Variants in DLGAP1 observed in about 807,000 individuals in gnomAD.
The protein encoded by DLGAP1 is DLG associated protein 1, also known as disks large-associated protein 1.
DLGAP1 carries 11 observed loss-of-function variants against 90.8 expected under a neutral mutation model. The observed-to-expected ratio is 0.12, with a 90% CI of 0.08 to 0.20. DLGAP1 has a LOEUF of 0.20. DLGAP1 is among the 10% of genes least tolerant of loss of function. The pLI, the probability that DLGAP1 is intolerant of heterozygous loss-of-function variation, is 1.00. For missense variants in DLGAP1, 1,050 were observed against 1,333.8 expected, an observed-to-expected ratio of 0.79 and a Z score of 3.31; for synonymous variants, 558 against 540.7, an observed-to-expected ratio of 1.03 and a Z score of -0.44.
intron 7 of DLGAP1, among the ~76,000 whole-genome samples, chr18:3,721,300 A>G (rs1337653811): frequency 6.6e-6 from 1 of 152,218 alleles, no homozygotes; most frequent in Non-Finnish European, 1.5e-5. Context: ...GCCTCAAAAC[A>G]GAATTTGCCA....
chr18:4,426,638 G>A (rs1201063285), intron 1 of DLGAP1, among the ~76,000 whole-genome samples: 1 of 152,168 alleles, frequency 6.6e-6, no homozygotes, highest in East Asian at 1.9e-4. Context: ...TCCATAAAAT[G>A]TGGACAAGAA....
At chr18:3,527,005 C>T (rs2051669590) in intron 10 of DLGAP1, among the ~76,000 whole-genome samples, 3 of 151,802 alleles carry the variant, frequency 2.0e-5, no homozygotes, top group Non-Finnish European at 1.5e-5. Context: ...GTACTGTCGA[C>T]GGTTGGGGTT....
At chr18:3,673,777 C>T (rs1598297466) in intron 7 of DLGAP1, among the ~76,000 whole-genome samples, 1 of 151,328 alleles carries the variant, frequency 6.6e-6, no homozygotes, top group African/African-American at 2.4e-5. Flanking sequence ...AACTCCTGAC[C>T]TCAGGTGATC....
At chr18:4,299,533 C>G (rs1248849840) in intron 1 of DLGAP1, among the ~76,000 whole-genome samples, 1 of 152,138 alleles carries the variant, frequency 6.6e-6, no homozygotes, top group Non-Finnish European at 1.5e-5. Context: ...TGAAAATAAA[C>G]AGCCCATTTT....
At chr18:4,008,253 A>T (rs532407810) in intron 2 of DLGAP1, among the ~76,000 whole-genome samples, 12 of 146,918 alleles carry the variant, frequency 8.2e-5, no homozygotes, top group Non-Finnish European at 1.1e-4. Flanking sequence ...ACACACACTC[A>T]CACACACATA....
chr18:3,909,794 C>T (rs2071992782), intron 3 of DLGAP1, among the ~76,000 whole-genome samples: 1 of 152,126 alleles, frequency 6.6e-6, no homozygotes, highest in East Asian at 1.9e-4. Context: ...TGAACTTCAC[C>T]TTTCTATTTA....
At chr18:4,149,380 T>C (rs1403501450) in intron 2 of DLGAP1, among the ~76,000 whole-genome samples, 1 of 151,644 alleles carries the variant, frequency 6.6e-6, no homozygotes, top group African/African-American at 2.4e-5. Context: ...ACACAAAACT[T>C]TTTTTTTTCT....
At chr18:4,337,065 G>C (rs2081083901) in intron 1 of DLGAP1, among the ~76,000 whole-genome samples, 1 of 148,068 alleles carries the variant, frequency 6.8e-6, no homozygotes, top group Non-Finnish European at 1.5e-5. Flanking sequence ...AGTGAGCCGA[G>C]ATTGTGCCAC....
At chr18:4,047,960 G>T (rs138915843) in intron 2 of DLGAP1, among the ~76,000 whole-genome samples, 14 of 152,046 alleles carry the variant, frequency 9.2e-5, no homozygotes, top group South Asian at 8.3e-4. Flanking sequence ...CATGCCCAGC[G>T]AAGTTTTTCT....
intron 7 of DLGAP1, among the ~76,000 whole-genome samples, chr18:3,648,247 C>A (rs998822360): frequency 6.6e-6 from 1 of 152,164 alleles, no homozygotes; most frequent in African/African-American, 2.4e-5. Context: ...AATCCTTTGG[C>A]CTTCTTCTCA....
At chr18:4,451,267 AC>A (rs2083821131) in intron 1 of DLGAP1, among the ~76,000 whole-genome samples, 1 of 152,114 alleles carries the variant, frequency 6.6e-6, no homozygotes, top group Non-Finnish European at 1.5e-5. Flanking sequence ...GATGTCATTC[AC>A]CTTTTTAACT....
At chr18:4,040,894 T>A (rs931732586) in intron 2 of DLGAP1, among the ~76,000 whole-genome samples, 7 of 152,216 alleles carry the variant, frequency 4.6e-5, no homozygotes, top group African/African-American at 1.7e-4. Flanking sequence ...CTGAAAGTAC[T>A]CACACACGGT....
At chr18:4,069,571 T>C (rs1461302874) in intron 2 of DLGAP1, among the ~76,000 whole-genome samples, 1 of 152,114 alleles carries the variant, frequency 6.6e-6, no homozygotes, top group Non-Finnish European at 1.5e-5. Context: ...GTTTTAAAAG[T>C]GTGTGGCACC....
intron 3 of DLGAP1, among the ~76,000 whole-genome samples, chr18:3,890,479 C>T (rs929898104): frequency 1.3e-5 from 2 of 152,182 alleles, no homozygotes; most frequent in African/African-American, 4.8e-5. Flanking sequence ...ACTGCCCCTT[C>T]CTTCTGCTTC....
chr18:3,772,421 TC>T (rs2064715529), intron 5 of DLGAP1, among the ~76,000 whole-genome samples: 4 of 88,934 alleles, frequency 4.5e-5, no homozygotes, highest in Admixed American at 1.3e-4. Context: ...TTTCTTTCTT[TC>T]CTTCCTTCCT....
intron 3 of DLGAP1, among the ~76,000 whole-genome samples, chr18:3,968,577 T>C (rs972546897): frequency 6.6e-6 from 1 of 152,226 alleles, no homozygotes; most frequent in South Asian, 2.1e-4. Context: ...CATCTTTATA[T>C]TTGTATTCCT....
chr18:4,145,512 T>A (rs73941208), intron 2 of DLGAP1, among the ~76,000 whole-genome samples: 8,261 of 152,198 alleles, frequency 0.054, 576 homozygotes, highest in East Asian at 0.23. Context: ...TAGGCAGCTT[T>A]GAATTTCTGC....
chr18:3,602,563 C>G (rs897824184), intron 7 of DLGAP1, among the ~76,000 whole-genome samples: 1 of 143,894 alleles, frequency 6.9e-6, no homozygotes, highest in Non-Finnish European at 1.5e-5. Flanking sequence ...CCACCGCACT[C>G]CAGCCTGGGC....
intron 8 of DLGAP1, among the ~76,000 whole-genome samples, chr18:3,572,564 C>T (rs1599310642): frequency 6.6e-6 from 1 of 152,326 alleles, no homozygotes; most frequent in South Asian, 2.1e-4. Context: ...ATTCTCCTGC[C>T]TCAGCCTCCC....
Sources: gnomAD v4.1 joint callset for allele counts (sites outside exome capture counted in the v4.1 genomes callset) on GRCh38, gnomAD v4.1.1 for gene constraint, MANE v1.5 for transcripts, NCBI Gene and HGNC (gene_info 2026-07-23, HGNC 2026-07-21) for gene names.